NKAIN2: variants seen among roughly 807,000 people sequenced by gnomAD.
NKAIN2 encodes sodium/potassium transporting ATPase interacting 2, also known as sodium/potassium-transporting ATPase subunit beta-1-interacting protein 2.
A neutral mutation model predicts 32.6 loss-of-function variants in NKAIN2; 14 were observed. The observed-to-expected ratio is 0.43, with a 90% CI of 0.28 to 0.67. NKAIN2 has a LOEUF of 0.67. Among genes scored for constraint, NKAIN2 ranks in the 30% least tolerant of loss-of-function variants. The pLI, the probability that NKAIN2 is intolerant of heterozygous loss-of-function variation, is 0.17. For missense variants in NKAIN2, 198 were observed against 258.3 expected, an observed-to-expected ratio of 0.77 and a Z score of 1.60; for synonymous variants, 80 against 87.2, an observed-to-expected ratio of 0.92 and a Z score of 0.46.
At chr6:123,967,159 T>C in intron 1 of NKAIN2, among the ~76,000 whole-genome samples, 1 of 152,328 alleles carries the variant, frequency 6.6e-6, no homozygotes, top group East Asian at 1.9e-4. Flanking sequence ...ACTTTCCTTG[T>C]AATTTCCTCA....
At chr6:124,446,198 C>T (rs1450844540) in intron 3 of NKAIN2, among the ~76,000 whole-genome samples, 1 of 152,046 alleles carries the variant, frequency 6.6e-6, no homozygotes, top group Admixed American at 6.6e-5. Flanking sequence ...CATATTGCTT[C>T]TATAAGAGTG....
intron 1 of NKAIN2, among the ~76,000 whole-genome samples, chr6:124,122,491 A>C (rs1785930871): frequency 6.6e-6 from 1 of 152,124 alleles, no homozygotes; most frequent in African/African-American, 2.4e-5. Flanking sequence ...ATTGTCATAT[A>C]AAGCTCAACA....
chr6:123,808,741 G>T (rs1257696148), intron 1 of NKAIN2, among the ~76,000 whole-genome samples: 1 of 152,200 alleles, frequency 6.6e-6, no homozygotes, highest in African/African-American at 2.4e-5. Context: ...CCGTATGTGG[G>T]TAATGACCCA....
chr6:124,622,642 C>T (rs560056294), intron 3 of NKAIN2, among the ~76,000 whole-genome samples: 14 of 152,164 alleles, frequency 9.2e-5, no homozygotes, highest in African/African-American at 3.1e-4. Context: ...AGGATGAATG[C>T]GAGATATTAT....
At chr6:123,879,401 T>C (rs745629018) in intron 1 of NKAIN2, among the ~76,000 whole-genome samples, 24 of 152,210 alleles carry the variant, frequency 1.6e-4, no homozygotes, top group Non-Finnish European at 2.9e-4. Context: ...CCATTTTGTA[T>C]TGGGGTGAAG....
intron 3 of NKAIN2, among the ~76,000 whole-genome samples, chr6:124,364,386 T>G (rs1172228202): frequency 6.6e-6 from 1 of 152,010 alleles, no homozygotes; most frequent in East Asian, 1.9e-4. Flanking sequence ...TTTCCAAAAT[T>G]AATTAGTAAC....
At chr6:124,367,625 T>C (rs552135782) in intron 3 of NKAIN2, among the ~76,000 whole-genome samples, 1 of 152,316 alleles carries the variant, frequency 6.6e-6, no homozygotes, top group Admixed American at 6.5e-5. Flanking sequence ...CCCTAACTGC[T>C]ATGTGATTAC....
intron 3 of NKAIN2, among the ~76,000 whole-genome samples, chr6:124,459,185 A>G (rs1776435258): frequency 2.0e-5 from 3 of 151,900 alleles, no homozygotes; most frequent in East Asian, 1.9e-4. Flanking sequence ...AAAGACAAAT[A>G]AAATAATAAA....
chr6:124,790,643 A>G (rs376394882), intron 4 of NKAIN2, among the ~76,000 whole-genome samples: 19 of 152,150 alleles, frequency 1.2e-4, no homozygotes, highest in African/African-American at 4.3e-4. Context: ...AAGGAATACA[A>G]AAACACCCAA....
At chr6:123,922,153 G>A (rs972299680) in intron 1 of NKAIN2, among the ~76,000 whole-genome samples, 2 of 152,096 alleles carry the variant, frequency 1.3e-5, no homozygotes, top group African/African-American at 4.8e-5. Flanking sequence ...CAGAAGAGTC[G>A]TTATTCAAAA....
At chr6:124,473,958 CAAT>C (rs1230452606) in intron 3 of NKAIN2, among the ~76,000 whole-genome samples, 1 of 152,092 alleles carries the variant, frequency 6.6e-6, no homozygotes, top group African/African-American at 2.4e-5. Context: ...TGCTGCTAAC[CAAT>C]AATTGATCGT....
chr6:124,054,058 A>T (rs1450116301), intron 1 of NKAIN2, among the ~76,000 whole-genome samples: 1 of 152,098 alleles, frequency 6.6e-6, no homozygotes, highest in African/African-American at 2.4e-5. Context: ...TATATGTATT[A>T]TCTATGTCAT....
intron 2 of NKAIN2, among the ~76,000 whole-genome samples, chr6:124,311,209 G>C (rs913835414): frequency 6.6e-6 from 1 of 152,146 alleles, no homozygotes; most frequent in Non-Finnish European, 1.5e-5. Flanking sequence ...CCTCAGTCCA[G>C]AGCAGGGTCT....
intron 4 of NKAIN2, among the ~76,000 whole-genome samples, chr6:124,674,931 C>G (rs1773282537): frequency 6.6e-6 from 1 of 151,978 alleles, no homozygotes; most frequent in African/African-American, 2.4e-5. Context: ...TTGCCTTGTT[C>G]CTGATCTTCA....
rs1773748913 is a variant in NKAIN2, at chr6:123,886,994, A to T, written c.54+82740A>T. ...CTGATTTACTGCAAATATCTGTATG[A>T]AAGTGAGCCCATATATTAAAATCTG... On this transcript the variant is annotated intron_variant, in intron 1 of 6. Coordinates refer to ENST00000368417, the MANE Select transcript of NKAIN2 (RefSeq NM_001040214.3). 2.6e-5 allele frequency among the ~76,000 whole-genome samples: 4 copies of T among 152,278 alleles called. No individual in the cohort carries two copies. The South Asian group carries it at 8.3e-4, about 32-fold the overall frequency.
At chr6:124,158,111 AAC>A (rs907462300) in intron 1 of NKAIN2, among the ~76,000 whole-genome samples, 3 of 152,198 alleles carry the variant, frequency 2.0e-5, no homozygotes, top group African/African-American at 7.2e-5. Flanking sequence ...CTTAAACAAC[AAC>A]AATTTATTTT....
chr6:124,615,067 C>T (rs113918421), intron 3 of NKAIN2, among the ~76,000 whole-genome samples: 2 of 152,222 alleles, frequency 1.3e-5, no homozygotes, highest in African/African-American at 4.8e-5. Flanking sequence ...TGGATTTCTG[C>T]CTTCTACTCC....
chr6:124,001,765 C>A, intron 1 of NKAIN2, among the ~76,000 whole-genome samples: 1 of 142,388 alleles, frequency 7.0e-6, no homozygotes, highest in African/African-American at 2.6e-5. Flanking sequence ...GTTTATACAA[C>A]TTTTTAAATA....
chr6:123,843,281 G>C (rs973225075), intron 1 of NKAIN2, among the ~76,000 whole-genome samples: 2 of 152,168 alleles, frequency 1.3e-5, no homozygotes, highest in African/African-American at 4.8e-5. Context: ...TGTATGCAGA[G>C]AGTTTTATTG....
Sources: allele counts gnomAD v4.1 joint callset (sites outside exome capture counted in the v4.1 genomes callset), GRCh38; gene constraint gnomAD v4.1.1; transcripts MANE v1.5; gene names NCBI Gene and HGNC (gene_info 2026-07-23, HGNC 2026-07-21).